The following LRRC4C variants were observed in gnomAD, a reference collection of about 807,000 sequenced individuals.
LRRC4C encodes leucine rich repeat containing 4C, also known as leucine-rich repeat-containing protein 4C.
Under a neutral mutation model 33.6 loss-of-function variants are expected in LRRC4C, and 5 were observed. That is an observed-to-expected ratio of 0.15 (90% CI 0.08 to 0.31). The LOEUF (loss-of-function observed/expected upper bound fraction) is 0.31. LRRC4C is among the 10% of genes least tolerant of loss of function. The pLI, the probability that LRRC4C is intolerant of heterozygous loss-of-function variation, is 1.00. For synonymous variants in LRRC4C, 329 were observed against 302.0 expected, an observed-to-expected ratio of 1.09 and a Z score of -0.93; for missense variants, 560 against 796.7, an observed-to-expected ratio of 0.70 and a Z score of 3.58.
At chr11:40,518,591 G>A (rs1955670189) in intron 3 of LRRC4C, among the ~76,000 whole-genome samples, 2 of 152,174 alleles carry the variant, frequency 1.3e-5, no homozygotes, top group Admixed American at 1.3e-4. Context: ...TCATTAAAAT[G>A]TCAGGAAACA....
intron 3 of LRRC4C, among the ~76,000 whole-genome samples, chr11:40,322,457 G>T (rs1221576930): frequency 6.6e-6 from 1 of 152,072 alleles, no homozygotes; most frequent in Non-Finnish European, 1.5e-5. Flanking sequence ...TGTTGGCCAG[G>T]CTGGTCTCAA....
intron 3 of LRRC4C, among the ~76,000 whole-genome samples, chr11:40,479,486 C>T (rs372712840): frequency 7.9e-5 from 12 of 152,086 alleles, no homozygotes; most frequent in African/African-American, 2.4e-4. Flanking sequence ...AGTGAAGAAC[C>T]GCTATGATAG....
intron 1 of LRRC4C, among the ~76,000 whole-genome samples, chr11:41,412,549 A>G (rs1335956726): frequency 6.6e-6 from 1 of 152,188 alleles, no homozygotes; most frequent in Non-Finnish European, 1.5e-5. Context: ...AGTTAAATAA[A>G]AGTATCACAT....
intron 2 of LRRC4C, among the ~76,000 whole-genome samples, chr11:40,827,850 C>T (rs1279448151): frequency 2.6e-5 from 4 of 151,578 alleles, no homozygotes; most frequent in Non-Finnish European, 5.9e-5. Flanking sequence ...AGAAATACCA[C>T]ATATGAAGGA....
intron 1 of LRRC4C, among the ~76,000 whole-genome samples, chr11:41,012,078 G>A (rs1357938748): frequency 2.0e-5 from 3 of 151,600 alleles, no homozygotes; most frequent in African/African-American, 7.3e-5. Context: ...CTTTCTTTAT[G>A]CTAGAAACAT....
intron 6 of LRRC4C, among the ~76,000 whole-genome samples, chr11:40,124,125 T>C (rs1035383036): frequency 2.0e-5 from 3 of 152,082 alleles, no homozygotes; most frequent in Non-Finnish European, 2.9e-5. Context: ...TAATGAGATA[T>C]CATCTCACTC....
At position 41,342,276 on chromosome 11, in the gene LRRC4C, T is replaced by C. The variant is rs190209615; in HGVS notation, c.-496+117155A>G. On this transcript the variant is annotated intron_variant, in intron 1 of 6. Transcript: ENST00000528697. ...TTATGCTATTAGGTCATTAATCATGTGGTGGCACCACATATACAGAATTCA... is the reference window on the plus strand; with the variant it reads ...TTATGCTATTAGGTCATTAATCATGCGGTGGCACCACATATACAGAATTCA... Among the ~76,000 whole-genome samples the C allele has an allele frequency of 3.2e-3, 484 of 152,338 alleles. 10 individuals are homozygous for C. The highest frequency in any genetic ancestry group is 4.1e-4 in the Non-Finnish European group (28 of 68,032).
chr11:41,459,033 C>A (rs753838620), intron 1 of LRRC4C, among the ~76,000 whole-genome samples: 21 of 152,058 alleles, frequency 1.4e-4, no homozygotes, highest in Non-Finnish European at 2.6e-4. Flanking sequence ...CCTCCCCAGC[C>A]CCCAGTCTCT....
At chr11:41,189,053 G>A (rs1945830368) in intron 1 of LRRC4C, among the ~76,000 whole-genome samples, 1 of 151,976 alleles carries the variant, frequency 6.6e-6, no homozygotes, top group East Asian at 1.9e-4. Flanking sequence ...ATGGTCAAAA[G>A]ACTGACTCAC....
intron 3 of LRRC4C, among the ~76,000 whole-genome samples, chr11:40,523,001 A>G (rs1212128593): frequency 6.6e-6 from 1 of 152,198 alleles, no homozygotes; most frequent in Non-Finnish European, 1.5e-5. Context: ...AATGCTATGA[A>G]CATGAGGGCA....
chr11:40,238,939 A>T (rs528234300), intron 5 of LRRC4C, among the ~76,000 whole-genome samples: 43 of 152,306 alleles, frequency 2.8e-4, no homozygotes, highest in African/African-American at 9.6e-4. Context: ...AATGTTATCC[A>T]TTATCGGTAA....
intron 2 of LRRC4C, among the ~76,000 whole-genome samples, chr11:40,722,217 A>G (rs1335989508): frequency 1.3e-5 from 2 of 152,190 alleles, no homozygotes; most frequent in Admixed American, 6.5e-5. Context: ...TGGTAATTAT[A>G]GACATATATT....
chr11:41,228,016 C>T (rs1947618942), intron 1 of LRRC4C, among the ~76,000 whole-genome samples: 1 of 152,070 alleles, frequency 6.6e-6, no homozygotes, highest in Admixed American at 6.6e-5. Context: ...TGAACTTCTT[C>T]CTCCAATTTA....
chr11:41,212,043 T>C (rs1188015106), intron 1 of LRRC4C, among the ~76,000 whole-genome samples: 1 of 152,186 alleles, frequency 6.6e-6, no homozygotes, highest in African/African-American at 2.4e-5. Flanking sequence ...TATATTTTTG[T>C]TTGTTTAGTT....
intron 1 of LRRC4C, among the ~76,000 whole-genome samples, chr11:41,270,672 A>G (rs1949292542): frequency 6.6e-6 from 1 of 152,132 alleles, no homozygotes; most frequent in Non-Finnish European, 1.5e-5. Flanking sequence ...CCTCAATTCC[A>G]CCATTCTGTG....
At chr11:40,474,401 C>T (rs2138328281) in intron 3 of LRRC4C, among the ~76,000 whole-genome samples, 1 of 152,184 alleles carries the variant, frequency 6.6e-6, no homozygotes, top group Non-Finnish European at 1.5e-5. Flanking sequence ...GAAGCTGGAC[C>T]CCTTCCCCAC....
chr11:41,219,753 C>A (rs1309020428), intron 1 of LRRC4C, among the ~76,000 whole-genome samples: 1 of 152,160 alleles, frequency 6.6e-6, no homozygotes, highest in Non-Finnish European at 1.5e-5. Flanking sequence ...GGGGATGAAC[C>A]AGATGAAGTT....
At chr11:40,252,037 C>A in intron 4 of LRRC4C, among the ~76,000 whole-genome samples, 1 of 152,062 alleles carries the variant, frequency 6.6e-6, no homozygotes, top group East Asian at 1.9e-4. Flanking sequence ...CATATCTATC[C>A]TATTTCATGG....
chr11:41,067,903 G>T (rs1446098935), intron 1 of LRRC4C, among the ~76,000 whole-genome samples: 1 of 152,108 alleles, frequency 6.6e-6, no homozygotes, highest in African/African-American at 2.4e-5. Context: ...CACAGCTAAA[G>T]CAGTTTTAAG....
Sources: gnomAD v4.1 joint callset for allele counts (sites outside exome capture counted in the v4.1 genomes callset) on GRCh38, gnomAD v4.1.1 for gene constraint, MANE v1.5 for transcripts, NCBI Gene and HGNC (gene_info 2026-07-23, HGNC 2026-07-21) for gene names.